Variants in FAF1 observed in about 807,000 individuals in gnomAD.
FAF1 encodes the protein Fas associated factor 1, also known as FAS-associated factor 1.
Under a neutral mutation model 92.5 loss-of-function variants are expected in FAF1, and 25 were observed. The observed-to-expected ratio is 0.27, with a 90% CI of 0.20 to 0.38. The LOEUF is 0.38. Ranked by LOEUF, FAF1 falls within the 10% of genes least tolerant of loss-of-function variation. The pLI is 1.00. For missense variants in FAF1, 636 were observed against 793.3 expected (o/e 0.80, Z 2.38); for synonymous variants, 234 against 273.2 (o/e 0.86, Z 1.42).
chr1:50,946,806 T>C (rs1011832038), intron 1 of FAF1, among the ~76,000 whole-genome samples: 2 of 152,232 alleles, frequency 1.3e-5, no homozygotes, highest in Admixed American at 6.5e-5. Context: ...TACCTGCACA[T>C]GCAGTGGAAT....
chr1:50,946,204 G>A (rs1324246388), intron 1 of FAF1, among the ~76,000 whole-genome samples: 1 of 152,210 alleles, frequency 6.6e-6, no homozygotes, highest in Non-Finnish European at 1.5e-5. Context: ...ACATACATCT[G>A]TAAGTCTTGT....
At chr1:50,886,194 A>G (rs1050611861) in intron 1 of FAF1, among the ~76,000 whole-genome samples, 1 of 152,068 alleles carries the variant, frequency 6.6e-6, no homozygotes, top group African/African-American at 2.4e-5. Flanking sequence ...CCCTCAAGTG[A>G]TATCTTATTG....
chr1:50,949,232 G>A (rs1645195444), intron 1 of FAF1, among the ~76,000 whole-genome samples: 1 of 152,184 alleles, frequency 6.6e-6, no homozygotes, highest in Non-Finnish European at 1.5e-5. Flanking sequence ...CTCTGAGGTG[G>A]GGGTCCAGCA....
chr1:50,822,877 C>T (rs1050537142), intron 2 of FAF1, among the ~76,000 whole-genome samples: 2 of 150,790 alleles, frequency 1.3e-5, no homozygotes, highest in African/African-American at 2.4e-5. Flanking sequence ...CGGGTTCAAG[C>T]GATTCTCCTA....
chr1:50,667,514 G>A (rs1433482296), intron 7 of FAF1, among the ~76,000 whole-genome samples: 1 of 152,116 alleles, frequency 6.6e-6, no homozygotes. Flanking sequence ...TGTAACCTTT[G>A]TAAGTTCTAA....
At position 50,475,739 on chromosome 1, in the gene FAF1, G is replaced by C. The variant is rs150314222; in HGVS notation, c.1654-60C>G. 5.2e-6 allele frequency: 6 copies of C among 1,148,804 alleles called. No individual in the cohort carries two copies. The African/African-American group carries it at 6.2e-5, about 12-fold the overall frequency. 71.2% of individuals were successfully genotyped at this position (1,148,804 alleles called of 1,614,324 possible). On this transcript the variant is annotated intron_variant, in intron 17 of 18. Coordinates refer to ENST00000396153, the MANE Select transcript of FAF1 (RefSeq NM_007051.3). ...GAAGGACTGGACTATGGAGAGTGGG[G>C]AGGAAGACACCAGAAAAAAAGCTGC...
At chr1:50,633,613 C>T (rs1333401426) in intron 8 of FAF1, among the ~76,000 whole-genome samples, 3 of 152,210 alleles carry the variant, frequency 2.0e-5, no homozygotes, top group East Asian at 1.9e-4. Context: ...TCTGTCACTA[C>T]GGCAACCAGC....
intron 4 of FAF1, among the ~76,000 whole-genome samples, chr1:50,756,396 A>G (rs994831005): frequency 6.8e-6 from 1 of 146,946 alleles, no homozygotes; most frequent in Non-Finnish European, 1.5e-5. Flanking sequence ...AGACCACCTA[A>G]GCCTGAACTT....
chr1:50,655,472 C>A lies in FAF1; in HGVS notation c.714G>T (p.Glu238Asp). 6.2e-7 allele frequency: 1 copy of A among 1,613,780 alleles called. No homozygotes were observed. The highest frequency in any genetic ancestry group is 8.5e-7 in the Non-Finnish European group (1 of 1,179,668). Residue 238 changes from glutamate to aspartate, a missense_variant, in exon 8 of 19, where the codon GAG (glutamate) becomes GAT (aspartate). Glu to Asp is a conservative substitution (Grantham distance 45). Around this residue, in one of 2 missense-constraint regions of FAF1, gnomAD observed 317 missense variants for 342.4 expected, o/e 0.93. Transcript: ENST00000396153. The stretch of plus-strand genomic sequence containing the variant: ...CGTCTGTAGCAGAAGTTGGCCAGCC[C>A]TCCCATAATTGGTGGCGAACGGGGA... ...TSIPVRHQLW[E>D]GWPTSATDDS...
intron 7 of FAF1, among the ~76,000 whole-genome samples, chr1:50,688,122 C>A (rs999423234): frequency 2.0e-5 from 3 of 149,286 alleles, no homozygotes; most frequent in Admixed American, 6.7e-5. Flanking sequence ...GGCAACAGAG[C>A]GAGACTCTAT....
chr1:50,536,183 A>G, intron 14 of FAF1, among the ~76,000 whole-genome samples: 1 of 152,314 alleles, frequency 6.6e-6, no homozygotes, highest in East Asian at 1.9e-4. Flanking sequence ...GATCTTTATA[A>G]AGAAGGTATT....
intron 6 of FAF1, among the ~76,000 whole-genome samples, chr1:50,707,161 C>T (rs553095329): frequency 2.9e-4 from 44 of 149,904 alleles, no homozygotes; most frequent in African/African-American, 1.0e-3. Context: ...TGAGATTGTG[C>T]CACTGCACTC....
chr1:50,760,488 T>C (rs904514539), intron 4 of FAF1, among the ~76,000 whole-genome samples: 2 of 152,116 alleles, frequency 1.3e-5, no homozygotes. Flanking sequence ...ACAAACTGTC[T>C]CTCAGACCAC....
chr1:50,499,367 T>G (rs1213018734), intron 15 of FAF1, among the ~76,000 whole-genome samples: 1 of 151,664 alleles, frequency 6.6e-6, no homozygotes, highest in African/African-American at 2.4e-5. Flanking sequence ...TGTAGGGTTT[T>G]TTTTTTTTTT....
intron 2 of FAF1, among the ~76,000 whole-genome samples, chr1:50,850,576 A>C (rs921854240): frequency 6.6e-6 from 1 of 152,148 alleles, no homozygotes; most frequent in Non-Finnish European, 1.5e-5. Flanking sequence ...TATTTAGATG[A>C]GCATAATATA....
intron 2 of FAF1, among the ~76,000 whole-genome samples, chr1:50,810,260 C>CA (rs1662368697): frequency 6.6e-6 from 1 of 151,678 alleles, no homozygotes; most frequent in African/African-American, 2.4e-5. Context: ...TGTCTCAAAA[C>CA]TAAAAAAATT....
intron 1 of FAF1, among the ~76,000 whole-genome samples, chr1:50,885,922 T>C (rs115929764): frequency 3.0e-4 from 46 of 152,248 alleles, no homozygotes; most frequent in African/African-American, 1.1e-3. Flanking sequence ...CTTAAGCGGA[T>C]AACAACTTGA....
intron 9 of FAF1, among the ~76,000 whole-genome samples, chr1:50,591,329 T>G (rs367781039): frequency 5.1e-4 from 77 of 152,310 alleles, no homozygotes; most frequent in African/African-American, 1.8e-3. Context: ...AGCAGAGCGC[T>G]CTTCACTAAA....
intron 7 of FAF1, among the ~76,000 whole-genome samples, chr1:50,699,110 A>T (rs539112285): frequency 6.6e-6 from 1 of 152,202 alleles, no homozygotes; most frequent in Non-Finnish European, 1.5e-5. Flanking sequence ...TGGCGGTAAT[A>T]TATGCCATCA....
Sources: allele counts gnomAD v4.1 joint callset (sites outside exome capture counted in the v4.1 genomes callset), GRCh38; gene constraint gnomAD v4.1.1; regional missense constraint gnomAD v4.1.1; transcripts MANE v1.5; gene names NCBI Gene and HGNC (gene_info 2026-07-23, HGNC 2026-07-21).